PTPRZ1: variants seen among roughly 807,000 people sequenced by gnomAD.
PTPRZ1 encodes protein tyrosine phosphatase receptor type Z1.
PTPRZ1 carries 82 observed loss-of-function variants against 214.1 expected under a neutral mutation model. The ratio of observed to expected loss-of-function variants is 0.38; its 90% CI spans 0.32 to 0.46. The LOEUF is 0.46. Ranked by LOEUF, PTPRZ1 falls within the 20% of genes least tolerant of loss-of-function variation. The pLI is 1.00. For missense variants in PTPRZ1, 2,603 were observed against 2,748.7 expected (o/e 0.95, Z 1.19); for synonymous variants, 945 against 987.9 (o/e 0.96, Z 0.81).
At chr7:122,020,551 A>G (rs1798985211) in intron 13 of PTPRZ1, among the ~76,000 whole-genome samples, 1 of 152,196 alleles carries the variant, frequency 6.6e-6, no homozygotes, top group East Asian at 1.9e-4. Flanking sequence ...TCTTTTGAGT[A>G]AAAGCTATTG....
At chr7:121,951,971 T>A (rs1000748849) in intron 2 of PTPRZ1, among the ~76,000 whole-genome samples, 46 of 151,874 alleles carry the variant, frequency 3.0e-4, no homozygotes, top group African/African-American at 9.9e-4. Context: ...TTATTTTTTT[T>A]TTTTTGAGAC....
Position 122,040,990 on chromosome 7 carries a change from G to C in PTPRZ1, c.5801+11G>C. The C allele has an allele frequency of 6.6e-7, 1 of 1,522,910 alleles. No homozygotes were observed. The highest frequency in any genetic ancestry group is 1.3e-5 in the South Asian group (1 of 78,976). The allele number at this position is 1,522,910 out of a possible 1,614,324, so 94.3% of individuals were successfully genotyped here. On this transcript the variant is annotated intron_variant, in intron 21 of 29. Transcript: ENST00000393386. ...TGTCGTCCACTGCAGGTGAGTCTCA[G>C]AGATGTGCCTCTAAACCCATAGAAT... is the stretch of plus-strand genomic sequence containing the variant.
In PTPRZ1 at chr7:122,012,975, A is replaced by G; in HGVS notation, c.3929A>G (p.His1310Arg). 1.2e-6 allele frequency: 2 copies of G among 1,614,152 alleles called. No individual in the cohort carries two copies. The highest frequency in any genetic ancestry group is 1.7e-6 in the Non-Finnish European group (2 of 1,179,970). Residue 1310 changes from histidine to arginine, a missense_variant, in exon 12 of 30, where the codon CAT becomes CGT. By Grantham distance (29) the His-to-Arg change is conservative. Around this residue, in one of 6 missense-constraint regions of PTPRZ1, gnomAD observed 1,913 missense variants for 1,914.3 expected, o/e 1.00. Transcript: ENST00000393386. The stretch of plus-strand genomic sequence containing the variant: ...CAGGCCCATCCCCCAAAAGGAAGGC[A>G]TGTATTTGCTACACCTGTTTTATCA... ...INQAHPPKGR[H>R]VFATPVLSID...
At chr7:121,971,503 A>G (rs1361311637) in intron 3 of PTPRZ1, among the ~76,000 whole-genome samples, 1 of 152,118 alleles carries the variant, frequency 6.6e-6, no homozygotes, top group Non-Finnish European at 1.5e-5. Flanking sequence ...TAATAGAGCC[A>G]CATTACTTGG....
intron 13 of PTPRZ1, among the ~76,000 whole-genome samples, chr7:122,025,315 CTTTTCTTTTT>C (rs1372581478): frequency 2.2e-4 from 33 of 148,626 alleles, no homozygotes; most frequent in African/African-American, 7.2e-4. Flanking sequence ...TCAAAACAGT[CTTTTCTTTTT>C]TTTTCTTTTT....
At position 122,013,865 on chromosome 7, in the gene PTPRZ1, G is replaced by A. The variant is rs1257771144; in HGVS notation, c.4819G>A (p.Glu1607Lys). The change falls in exon 12 of 30, where the codon GAA becomes AAA. Residue 1607 changes from glutamate (E) to lysine (K), a missense_variant. Around this residue, in one of 6 missense-constraint regions of PTPRZ1, gnomAD observed 1,913 missense variants for 1,914.3 expected, o/e 1.00. Transcript: ENST00000393386. Reference sequence around the variant, plus strand: ...ATCATCTGTTACTAGCGAGAACTCAGAAGTGTTCCACGTTTCAGAGGCAGG... The same window carrying A: ...ATCATCTGTTACTAGCGAGAACTCAAAAGTGTTCCACGTTTCAGAGGCAGG... ...PTSSVTSENSEVFHVSEAEAS... is the reference protein window; with the variant it reads ...PTSSVTSENSKVFHVSEAEAS... 1.9e-6 allele frequency: 3 copies of A among 1,610,864 alleles called. No individual in the cohort carries two copies. The highest frequency in any genetic ancestry group is 2.2e-5 in the South Asian group (2 of 90,610).
chr7:122,010,199 A>G (rs893790682), intron 11 of PTPRZ1, 135 bp from the exon 12 acceptor site: 31 of 796,584 alleles, frequency 3.9e-5, no homozygotes, highest in Admixed American at 3.8e-4. Flanking sequence ...AGAGGTATGC[A>G]TTGTACAGAA....
intron 6 of PTPRZ1, among the ~76,000 whole-genome samples, chr7:121,977,382 C>G (rs1164729562): frequency 6.6e-6 from 1 of 152,176 alleles, no homozygotes; most frequent in Non-Finnish European, 1.5e-5. Context: ...GTTCTGCCTG[C>G]TATCTCATGG....
At chr7:121,971,768 C>T (rs1368623641) in intron 3 of PTPRZ1, among the ~76,000 whole-genome samples, 2 of 152,184 alleles carry the variant, frequency 1.3e-5, no homozygotes, top group Non-Finnish European at 2.9e-5. Flanking sequence ...GTATCCCTAG[C>T]TGGCTGGCCA....
chr7:121,930,347 C>G (rs2116381112), intron 2 of PTPRZ1, among the ~76,000 whole-genome samples: 1 of 152,172 alleles, frequency 6.6e-6, no homozygotes, highest in African/African-American at 2.4e-5. Flanking sequence ...TAATTTGACT[C>G]CATTTTGAAT....
intron 1 of PTPRZ1, among the ~76,000 whole-genome samples, chr7:121,912,914 A>T (rs555897192): frequency 6.6e-6 from 1 of 152,238 alleles, no homozygotes; most frequent in East Asian, 1.9e-4. Context: ...AGACGGGTAA[A>T]TGAATTATGG....
In PTPRZ1 at chr7:122,033,741, T is replaced by C. The variant is rs1799455431; in HGVS notation, c.5167-354T>C. 4 of 236,422 alleles carry C rather than the reference T, an allele frequency of 1.7e-5. No homozygotes were observed. In the Admixed American group the frequency reaches 2.1e-4, roughly 13 times the overall value. 14.6% of individuals were successfully genotyped at this position (236,422 alleles called of 1,614,324 possible). ...TTCAGAGTTTCAAATAGTGCTACTA[T>C]GGTCAAATAAAATAAAATTTGGATA... On this transcript the variant is annotated intron_variant, in intron 15 of 29. Coordinates refer to ENST00000393386, the MANE Select transcript of PTPRZ1 (RefSeq NM_002851.3).
At chr7:121,985,379 G>C (rs1797737035) in intron 8 of PTPRZ1, among the ~76,000 whole-genome samples, 1 of 152,034 alleles carries the variant, frequency 6.6e-6, no homozygotes, top group African/African-American at 2.4e-5. Flanking sequence ...TATCAATTCT[G>C]TTTTATTAAA....
intron 1 of PTPRZ1, among the ~76,000 whole-genome samples, chr7:121,902,153 C>T (rs1794979084): frequency 6.6e-6 from 1 of 152,140 alleles, no homozygotes; most frequent in Non-Finnish European, 1.5e-5. Context: ...ATAATATCCT[C>T]TAGGTTTATC....
At chr7:121,915,591 G>A (rs1371711194) in intron 1 of PTPRZ1, among the ~76,000 whole-genome samples, 1 of 152,038 alleles carries the variant, frequency 6.6e-6, no homozygotes, top group Admixed American at 6.5e-5. Context: ...AGAACTTTAG[G>A]CATTATACTC....
chr7:122,051,690 T>G (rs1457742737), intron 24 of PTPRZ1, among the ~76,000 whole-genome samples, 169 bp downstream of exon 24: 1 of 152,184 alleles, frequency 6.6e-6, no homozygotes, highest in Non-Finnish European at 1.5e-5. Flanking sequence ...TGAAGTCTTA[T>G]CTAAATATGC....
chr7:121,945,033 A>G (rs899003092), intron 2 of PTPRZ1, among the ~76,000 whole-genome samples: 1 of 152,178 alleles, frequency 6.6e-6, no homozygotes, highest in African/African-American at 2.4e-5. Flanking sequence ...TAGTTGTCCA[A>G]AAAAATGTTA....
intron 1 of PTPRZ1, among the ~76,000 whole-genome samples, chr7:121,879,912 G>T (rs886791918): frequency 6.7e-6 from 1 of 149,778 alleles, no homozygotes. Context: ...TTCCTCTTCA[G>T]CTTCACTTTC....
intron 6 of PTPRZ1, 56 bp from the exon 7 acceptor site, chr7:121,983,609 A>G: frequency 6.7e-7 from 1 of 1,483,300 alleles, no homozygotes; most frequent in Non-Finnish European, 9.1e-7. Context: ...AGAAGTTTTG[A>G]ACAGCTAAGT....
Sources: allele counts gnomAD v4.1 joint callset (sites outside exome capture counted in the v4.1 genomes callset), GRCh38; gene constraint gnomAD v4.1.1; regional missense constraint gnomAD v4.1.1; transcripts MANE v1.5; gene names NCBI Gene and HGNC (gene_info 2026-07-23, HGNC 2026-07-21).